The following SLC9A9 variants were observed in gnomAD, a reference collection of about 807,000 sequenced individuals.
SLC9A9 encodes the protein solute carrier family 9 member A9, also known as sodium/hydrogen exchanger 9.
In SLC9A9, 62 loss-of-function variants were observed where a neutral mutation model predicts 77.8. That is an observed-to-expected ratio of 0.80 (90% CI 0.65 to 0.98). The LOEUF (loss-of-function observed/expected upper bound fraction) is 0.98. Ranked by LOEUF, SLC9A9 falls within the 50% of genes least tolerant of loss-of-function variation. SLC9A9 has a pLI of 0.00. For synonymous variants in SLC9A9, 320 were observed against 283.5 expected, an observed-to-expected ratio of 1.13 and a Z score of -1.29; for missense variants, 775 against 774.9, an observed-to-expected ratio of 1.00 and a Z score of 0.00.
chr3:143,422,687 T>G (rs566949831), intron 12 of SLC9A9, among the ~76,000 whole-genome samples: 4 of 152,202 alleles, frequency 2.6e-5, no homozygotes, highest in African/African-American at 9.6e-5. Context: ...TACCCCAAAC[T>G]TCACCTATAC....
intron 6 of SLC9A9, among the ~76,000 whole-genome samples, chr3:143,606,436 C>CTCTCTATATATATATA (rs1419410834): frequency 2.0e-3 from 111 of 54,198 alleles, no homozygotes; most frequent in East Asian, 5.2e-3. Context: ...CTCTCTCTCT[C>CTCTCTATATATATATA]TATATATATA....
At chr3:143,786,128 T>C (rs1486855742) in intron 4 of SLC9A9, among the ~76,000 whole-genome samples, 19 of 152,106 alleles carry the variant, frequency 1.2e-4, no homozygotes, top group Admixed American at 5.9e-4. Flanking sequence ...GTGCTGGGAT[T>C]ACAGGCGTGA....
Position 143,677,525 on chromosome 3 carries a change from T to C in SLC9A9, c.649+15667A>G, listed in dbSNP as rs373088866. Among the ~76,000 whole-genome samples, 5 of 152,226 alleles carry C rather than the reference T, an allele frequency of 3.3e-5. No homozygotes were observed. In the East Asian group the frequency reaches 7.7e-4, roughly 24 times the overall value. Reference sequence around the variant, plus strand: ...CTTGTGTGAGATAGCCTCCCAGGAGTCAGATTGCTGGGTCAAAAGGGGCTG... The same window carrying C: ...CTTGTGTGAGATAGCCTCCCAGGAGCCAGATTGCTGGGTCAAAAGGGGCTG... On this transcript the variant is annotated intron_variant, in intron 5 of 15. Transcript: ENST00000316549.
At chr3:143,725,087 G>T (rs1028626385) in intron 4 of SLC9A9, among the ~76,000 whole-genome samples, 2 of 152,114 alleles carry the variant, frequency 1.3e-5, no homozygotes, top group Non-Finnish European at 2.9e-5. Context: ...CTATTTTTCT[G>T]TTGAATTTCT....
chr3:143,272,528 G>A lies in SLC9A9; in HGVS notation c.1605-3548C>T, dbSNP rs1485644063. Among the ~76,000 whole-genome samples, 5 of 152,258 alleles carry A rather than the reference G, an allele frequency of 3.3e-5. No homozygotes were observed. In the East Asian group the frequency reaches 7.7e-4, roughly 24 times the overall value. On this transcript the variant is annotated intron_variant, in intron 14 of 15. Coordinates refer to ENST00000316549, the MANE Select transcript of SLC9A9 (RefSeq NM_173653.4). ...CACTGAGCTATCCTTCTTCTGTTACGAAGACACTGAGTAACGGGACTTGCC... is the reference window on the plus strand; with the variant it reads ...CACTGAGCTATCCTTCTTCTGTTACAAAGACACTGAGTAACGGGACTTGCC...
intron 4 of SLC9A9, among the ~76,000 whole-genome samples, chr3:143,716,268 C>T (rs1934348230): frequency 6.6e-6 from 1 of 151,978 alleles, no homozygotes. Flanking sequence ...GAGATGGGGT[C>T]TCCCTATGTT....
At chr3:143,524,141 C>T (rs2036363762) in intron 9 of SLC9A9, among the ~76,000 whole-genome samples, 1 of 149,982 alleles carries the variant, frequency 6.7e-6, no homozygotes, top group Non-Finnish European at 1.5e-5. Flanking sequence ...TTGAAGAATG[C>T]TCCTATTATC....
At chr3:143,698,401 C>G (rs1349704879) in intron 4 of SLC9A9, among the ~76,000 whole-genome samples, 1 of 152,150 alleles carries the variant, frequency 6.6e-6, no homozygotes, top group Non-Finnish European at 1.5e-5. Context: ...AATCCATGAC[C>G]TGCTCTCAAA....
At chr3:143,277,684 C>T (rs1367373504) in intron 14 of SLC9A9, among the ~76,000 whole-genome samples, 1 of 152,204 alleles carries the variant, frequency 6.6e-6, no homozygotes, top group Non-Finnish European at 1.5e-5. Flanking sequence ...AAGAATGCTG[C>T]TGCCACTTGC....
intron 5 of SLC9A9, among the ~76,000 whole-genome samples, chr3:143,662,307 C>T (rs148802366): frequency 4.1e-4 from 63 of 152,222 alleles, no homozygotes; most frequent in Non-Finnish European, 5.6e-4. Context: ...AGATAAAATA[C>T]GTATATGAAA....
chr3:143,757,241 A>G (rs1313861781), intron 4 of SLC9A9, among the ~76,000 whole-genome samples: 1 of 152,176 alleles, frequency 6.6e-6, no homozygotes, highest in Non-Finnish European at 1.5e-5. Flanking sequence ...CAAAGTCACC[A>G]GGCAGATTCA....
chr3:143,626,712 C>T (rs942635867), intron 6 of SLC9A9: 3 of 151,956 alleles, frequency 2.0e-5, no homozygotes, highest in African/African-American at 7.3e-5. Flanking sequence ...CACATGTATA[C>T]ATATGTAACT....
chr3:143,645,810 T>C (rs752556641), intron 6 of SLC9A9, among the ~76,000 whole-genome samples: 4 of 152,044 alleles, frequency 2.6e-5, no homozygotes, highest in Non-Finnish European at 5.9e-5. Context: ...TCGAATTTCC[T>C]TATAAGCATT....
chr3:143,743,807 A>G (rs1303125773), intron 4 of SLC9A9, among the ~76,000 whole-genome samples: 2 of 152,210 alleles, frequency 1.3e-5, no homozygotes, highest in African/African-American at 4.8e-5. Context: ...TGTGATTGCT[A>G]TGTGCTAGTT....
chr3:143,629,458 A>G (rs1006555299), intron 6 of SLC9A9, among the ~76,000 whole-genome samples: 3 of 152,208 alleles, frequency 2.0e-5, no homozygotes, highest in Admixed American at 6.5e-5. Context: ...AGAGTTGCCA[A>G]TATTAAATAC....
rs1318218800 is a variant in SLC9A9 at position 143,560,035 on chromosome 3, C to T, written c.1001-7585G>A. Among the ~76,000 whole-genome samples the T allele has an allele frequency of 2.0e-5, 3 of 152,196 alleles. No homozygotes were observed. The East Asian group carries it at 5.8e-4, about 29-fold the overall frequency. On this transcript the variant is annotated intron_variant, in intron 8 of 15. Coordinates refer to ENST00000316549, the MANE Select transcript of SLC9A9 (RefSeq NM_173653.4). ...TTTACAGCTTATATCACTGTCCTCT[C>T]CATATATCAGAAGCCACTTGACCAC...
chr3:143,703,207 T>C (rs551324745), intron 4 of SLC9A9, among the ~76,000 whole-genome samples: 112 of 152,226 alleles, frequency 7.4e-4, no homozygotes, highest in Non-Finnish European at 1.3e-3. Flanking sequence ...TACTCTACAC[T>C]ATAGACCAAA....
chr3:143,424,764 C>G (rs1019198172), intron 12 of SLC9A9, among the ~76,000 whole-genome samples: 2 of 152,118 alleles, frequency 1.3e-5, no homozygotes, highest in African/African-American at 4.8e-5. Flanking sequence ...ATGCTGCCAA[C>G]AGGGAGAGGA....
intron 4 of SLC9A9, among the ~76,000 whole-genome samples, chr3:143,696,996 C>T (rs982555968): frequency 6.6e-6 from 1 of 151,318 alleles, no homozygotes; most frequent in East Asian, 1.9e-4. Context: ...AAATATGTAC[C>T]AAAAGATGTG....
Sources: gnomAD v4.1 joint callset for allele counts (sites outside exome capture counted in the v4.1 genomes callset) on GRCh38, gnomAD v4.1.1 for gene constraint, MANE v1.5 for transcripts, NCBI Gene and HGNC (gene_info 2026-07-23, HGNC 2026-07-21) for gene names.